The following MUC15 variants were observed in gnomAD, a reference collection of about 807,000 sequenced individuals.
MUC15 encodes the protein mucin 15, cell surface associated.
Under a neutral mutation model 24.0 loss-of-function variants are expected in MUC15, and 23 were observed. The ratio of observed to expected loss-of-function variants is 0.96; its 90% CI spans 0.69 to 1.36. MUC15 has a LOEUF of 1.36. Among genes scored for constraint, MUC15 ranks in the 40% most tolerant of loss-of-function variants. The pLI is 0.00. For synonymous variants in MUC15, 151 were observed against 156.3 expected, an observed-to-expected ratio of 0.97 and a Z score of 0.25; for missense variants, 442 against 428.2, an observed-to-expected ratio of 1.03 and a Z score of -0.29.
chr11:26,563,042 A>T, intron 4 of MUC15, 74 bp downstream of exon 4: 2 of 1,555,074 alleles, frequency 1.3e-6, no homozygotes, highest in Non-Finnish European at 8.7e-7. Context: ...CCTTCTAGGC[A>T]ATGCAGTGAA....
Position 26,565,886 on chromosome 11 carries a change from T to G in MUC15, c.54A>C (p.Lys18Asn). ...LATSRDCYSF[K>N]KKPIPKKPTM... is the part of the protein sequence containing the mutation. ...TAGGCTTCTTTGGTATTGGTTTTTT[T>G]TTAAAGGAATCTGAAAGAAAATAAC... The change falls in exon 3 of 5, where the codon AAA (lysine) becomes AAC (asparagine). Residue 18 changes from lysine to asparagine, a missense_variant. Transcript: ENST00000529533. 1 of 1,574,844 alleles carries G rather than the reference T, an allele frequency of 6.3e-7. No homozygotes were observed. The highest frequency in any genetic ancestry group is 8.6e-7 in the Non-Finnish European group (1 of 1,168,984).
intron 1 of MUC15, among the ~76,000 whole-genome samples, chr11:26,568,221 T>G (rs1850672511): frequency 6.6e-6 from 1 of 152,074 alleles, no homozygotes; most frequent in African/African-American, 2.4e-5. Context: ...TATTTTCCAT[T>G]TAATGCTAAC....
At chr11:26,564,724 CACACACACATAT>C (rs1242234511) in intron 3 of MUC15, among the ~76,000 whole-genome samples, 48 of 57,292 alleles carry the variant, frequency 8.4e-4, no homozygotes, top group African/African-American at 2.4e-3. Context: ...CACACACACA[CACACACACATAT>C]ATATATATAT....
Position 26,563,181 on chromosome 11 carries a change from A to G in MUC15, c.860T>C (p.Leu287Ser), listed in dbSNP as rs1850364005. 12 of 1,612,634 alleles carry G rather than the reference A, an allele frequency of 7.4e-6. No individual in the cohort carries two copies. The highest frequency in any genetic ancestry group is 1.0e-5 in the Non-Finnish European group (12 of 1,179,018). ...TGAATCCGTTTTCCTTTTTCCACAC[A>G]ACAAGTAGCCCACAAGAGTAAGCAA... ...VSLLTLVGYL[L>S]CGKRKTDSFS... is the part of the protein sequence containing the mutation. Residue 287 changes from leucine to serine, a missense_variant, in exon 4 of 5, where the codon TTG (leucine) becomes TCG (serine). Transcript: ENST00000529533.
At chr11:26,571,975 G>T in intron 1 of MUC15, 66 bp downstream of exon 1, 2 of 598,220 alleles carry the variant, frequency 3.3e-6, no homozygotes, top group Non-Finnish European at 4.2e-6. Flanking sequence ...AAATAATCAA[G>T]GAAGAGAGAG....
At position 26,567,116 on chromosome 11, in the gene MUC15, G is replaced by C; in HGVS notation, c.-22C>G. ...CCATTTTGCAGATGAAGAAACTGAAGCTCACAATGGCTAGTAACAGAAGCT... is the reference window on the plus strand; with the variant it reads ...CCATTTTGCAGATGAAGAAACTGAACCTCACAATGGCTAGTAACAGAAGCT... On this transcript the variant is annotated 5_prime_UTR_variant, in exon 2 of 5. Coordinates refer to ENST00000529533, the MANE Select transcript of MUC15 (RefSeq NM_001135091.2). The C allele has an allele frequency of 6.9e-7, 1 of 1,451,032 alleles. No individual in the cohort carries two copies. The highest frequency in any genetic ancestry group is 9.1e-7 in the Non-Finnish European group (1 of 1,094,832). The allele number at this position is 1,451,032 out of a possible 1,614,324, so 89.9% of individuals were successfully genotyped here. A position where few individuals can be genotyped will look rare whatever the true frequency, so the allele number is the denominator to read the frequency against.
Position 26,559,835 on chromosome 11 carries a change from TACACACACACACACACACAC to T in MUC15, c.*1210_*1229del. 4 of 660,906 alleles carry T rather than the reference TACACACACACACACACACAC, an allele frequency of 6.1e-6. No homozygotes were observed. Among genetic ancestry groups the T allele is most frequent in the Non-Finnish European group, 8.1e-6 (3 of 369,182 alleles). 40.9% of individuals were successfully genotyped at this position (660,906 alleles called of 1,614,324 possible). Reference sequence around the variant, plus strand: ...TTATTTTCTGAAGCTGTTTCTGTGTTACACACACACACACACACACACACACACACACACACACACCATGA... The same window carrying T: ...TTATTTTCTGAAGCTGTTTCTGTGTTACACACACACACACACACACCATGA... On this transcript the variant is annotated 3_prime_UTR_variant, in exon 5 of 5. Coordinates refer to ENST00000529533, the MANE Select transcript of MUC15 (RefSeq NM_001135091.2).
chr11:26,567,231 T>C, intron 1 of MUC15, 92 bp from the exon 2 acceptor site: 2 of 805,044 alleles, frequency 2.5e-6, no homozygotes, highest in Non-Finnish European at 3.5e-6. Flanking sequence ...ATGGAAAATT[T>C]ACTTTAAAAA....
intron 4 of MUC15, among the ~76,000 whole-genome samples, chr11:26,561,515 T>C (rs1397431505): frequency 6.6e-6 from 1 of 151,982 alleles, no homozygotes; most frequent in Non-Finnish European, 1.5e-5. Context: ...TAAAGAAGTG[T>C]AGACCATACC....
chr11:26,566,716 C>T (rs773572495), intron 2 of MUC15, among the ~76,000 whole-genome samples: 3 of 151,708 alleles, frequency 2.0e-5, no homozygotes, highest in Non-Finnish European at 2.9e-5. Context: ...CACATCATTC[C>T]GCCTCTTAAG....
chr11:26,565,528 G>T lies in MUC15; in HGVS notation c.412C>A (p.Pro138Thr), dbSNP rs1336507751. Residue 138 changes from proline to threonine, a missense_variant, in exon 3 of 5, where the codon CCC becomes ACC. Pro to Thr is a conservative substitution (Grantham distance 38, BLOSUM62 -1). Coordinates refer to ENST00000529533, the MANE Select transcript of MUC15 (RefSeq NM_001135091.2). ...KPTSTISTSP[P>T]LIHSFVSKVP... ...TTAGAAACAAAGCTATGGATCAAGG[G>T]AGGGCTTGTGGAAATGGTAGATGTG... The T allele has an allele frequency of 1.9e-6, 3 of 1,613,288 alleles. No individual in the cohort carries two copies. The African/African-American group carries it at 4.0e-5, about 22-fold the overall frequency.
intron 4 of MUC15, among the ~76,000 whole-genome samples, chr11:26,561,529 T>C (rs572144728): frequency 5.3e-5 from 8 of 152,086 alleles, no homozygotes; most frequent in African/African-American, 1.9e-4. Context: ...CCATACCTCA[T>C]TGACTTTTGA....
At chr11:26,564,726 CACACACATATAT>C (rs1565108806) in intron 3 of MUC15, among the ~76,000 whole-genome samples, 49 of 49,274 alleles carry the variant, frequency 9.9e-4, no homozygotes, top group South Asian at 1.4e-3. Context: ...CACACACACA[CACACACATATAT>C]ATATATATAT....
At chr11:26,567,569 T>A (rs1010824093) in intron 1 of MUC15, among the ~76,000 whole-genome samples, 3 of 152,024 alleles carry the variant, frequency 2.0e-5, no homozygotes, top group Admixed American at 6.6e-5. Context: ...CTATAATATA[T>A]GTTAGTTATC....
At position 26,570,627 on chromosome 11, in the gene MUC15, C is replaced by T. The variant is rs145766483; in HGVS notation, c.-46+1414G>A. Among the ~76,000 whole-genome samples, 1,360 of 152,178 alleles carry T rather than the reference C, an allele frequency of 8.9e-3. 28 individuals are homozygous for T. The highest frequency in any genetic ancestry group is 0.031 in the African/African-American group (1,276 of 41,544). On this transcript the variant is annotated intron_variant, in intron 1 of 4. Transcript: ENST00000529533. ...CATGTTTCTATAGTAAAATCACTGA[C>T]GACTATACATTGGGCTGCCTTTTCT... is the stretch of plus-strand genomic sequence containing the variant.
chr11:26,562,397 G>C (rs1850328497), intron 4 of MUC15, among the ~76,000 whole-genome samples: 1 of 151,834 alleles, frequency 6.6e-6, no homozygotes, highest in South Asian at 2.1e-4. Context: ...ATGGTGACAA[G>C]AATCCCTTGT....
Position 26,559,562 on chromosome 11 carries a change from G to A in MUC15, c.*1503C>T, listed in dbSNP as rs1850199703. The stretch of plus-strand genomic sequence containing the variant: ...ATGAGAAAAATCATGTGAAATTGTT[G>A]CAAGACCCATGAAAGGAATTCATAT... On this transcript the variant is annotated 3_prime_UTR_variant, in exon 5 of 5. Coordinates refer to ENST00000529533, the MANE Select transcript of MUC15 (RefSeq NM_001135091.2). The A allele has an allele frequency of 1.5e-5, 9 of 591,874 alleles. No homozygotes were observed. In the South Asian group the frequency reaches 1.7e-4, roughly 11 times the overall value. 36.7% of individuals were successfully genotyped at this position (591,874 alleles called of 1,614,324 possible). A position where few individuals can be genotyped will look rare whatever the true frequency, so the allele number is the denominator to read the frequency against.
Position 26,559,683 on chromosome 11 carries a change from T to A in MUC15, c.*1382A>T. On this transcript the variant is annotated 3_prime_UTR_variant, in exon 5 of 5. Coordinates refer to ENST00000529533, the MANE Select transcript of MUC15 (RefSeq NM_001135091.2). ...TATTCACTGGCTTATTATAATCAAT[T>A]TGCATGACTAATATTTCTGTTTGTT... 1 of 1,493,072 alleles carries A rather than the reference T, an allele frequency of 6.7e-7. No individual in the cohort carries two copies. Among genetic ancestry groups the A allele is most frequent in the Non-Finnish European group, 9.3e-7 (1 of 1,070,504 alleles). 92.5% of individuals were successfully genotyped at this position (1,493,072 alleles called of 1,614,324 possible). A position where few individuals can be genotyped will look rare whatever the true frequency, so the allele number is the denominator to read the frequency against.
At chr11:26,568,629 G>A (rs397364) in intron 1 of MUC15, among the ~76,000 whole-genome samples, 13,214 of 151,862 alleles carry the variant, frequency 0.087, 759 homozygotes, top group African/African-American at 0.15. Context: ...AGAAAATCAC[G>A]ATAACTGTCT....
Sources: gnomAD v4.1 joint callset for allele counts (sites outside exome capture counted in the v4.1 genomes callset) on GRCh38, gnomAD v4.1.1 for gene constraint, MANE v1.5 for transcripts, NCBI Gene and HGNC (gene_info 2026-07-23, HGNC 2026-07-21) for gene names.